The following SH3PXD2A variants were observed in gnomAD, a reference collection of about 807,000 sequenced individuals.
The protein encoded by SH3PXD2A is SH3 and PX domains 2A.
SH3PXD2A carries 32 observed loss-of-function variants against 115.2 expected under a neutral mutation model. That is an observed-to-expected ratio of 0.28 (90% confidence interval 0.21 to 0.37). The LOEUF is 0.37. Ranked by LOEUF, SH3PXD2A falls within the 10% of genes least tolerant of loss-of-function variation. The pLI is 1.00. For synonymous variants in SH3PXD2A, 610 were observed against 629.1 expected (o/e 0.97, Z 0.45); for missense variants, 1,328 against 1,498.7 (o/e 0.89, Z 1.88).
chr10:103,740,431 C>T (rs2038432042), intron 3 of SH3PXD2A, among the ~76,000 whole-genome samples: 1 of 152,200 alleles, frequency 6.6e-6, no homozygotes, highest in Non-Finnish European at 1.5e-5. Context: ...AAACCAACCA[C>T]AGCCTCCAGG....
chr10:103,785,921 G>A (rs919191983), intron 2 of SH3PXD2A, among the ~76,000 whole-genome samples: 2 of 151,886 alleles, frequency 1.3e-5, no homozygotes, highest in East Asian at 2.0e-4. Context: ...ACATAAGAGC[G>A]TAGACGGAGG....
chr10:103,794,533 G>A (rs1421378546), intron 2 of SH3PXD2A, among the ~76,000 whole-genome samples: 2 of 152,166 alleles, frequency 1.3e-5, no homozygotes, highest in East Asian at 1.9e-4. Flanking sequence ...GGAAGGAGCT[G>A]TGCAAGGAAA....
At chr10:103,645,247 A>G (rs1002074498) in intron 8 of SH3PXD2A, among the ~76,000 whole-genome samples, 2 of 152,180 alleles carry the variant, frequency 1.3e-5, no homozygotes, top group East Asian at 3.9e-4. Context: ...CCTGGGGCCA[A>G]TGCGGGATCA....
chr10:103,653,677 C>A (rs903236038), intron 8 of SH3PXD2A, among the ~76,000 whole-genome samples: 1 of 152,162 alleles, frequency 6.6e-6, no homozygotes, highest in Admixed American at 6.5e-5. Flanking sequence ...CACCTGCCTG[C>A]CTGGCAGCTG....
intron 8 of SH3PXD2A, among the ~76,000 whole-genome samples, chr10:103,647,441 C>G (rs929905737): frequency 2.0e-5 from 3 of 152,140 alleles, no homozygotes; most frequent in Non-Finnish European, 2.9e-5. Context: ...CAGGTCAGGC[C>G]CCTGAGGTCC....
rs139159382 is a variant in SH3PXD2A at position 103,768,471 on chromosome 10, G to C, written c.154-1302C>G. 5.0e-3 allele frequency among the ~76,000 whole-genome samples: 756 copies of C among 152,338 alleles called. 3 individuals are homozygous for C. The highest frequency in any genetic ancestry group is 0.017 in the Middle Eastern group (5 of 294). ...ATGTGGCTGGAGTGGAGTGAGCCAG[G>C]ATGAGAGGGACAGGCAATGAGATCT... On this transcript the variant is annotated intron_variant, in intron 2 of 14. Transcript: ENST00000369774.
chr10:103,637,306 G>A (rs1448917339), intron 8 of SH3PXD2A, among the ~76,000 whole-genome samples: 1 of 152,172 alleles, frequency 6.6e-6, no homozygotes, highest in East Asian at 1.9e-4. Flanking sequence ...AAACCCAGGA[G>A]GCTTTAGATG....
At chr10:103,711,187 G>C (rs1436574183) in intron 5 of SH3PXD2A, among the ~76,000 whole-genome samples, 2 of 152,206 alleles carry the variant, frequency 1.3e-5, no homozygotes, top group Non-Finnish European at 2.9e-5. Flanking sequence ...AGGGAAAAAT[G>C]ATTATAAAAA....
Position 103,674,258 on chromosome 10 carries a change from C to T in SH3PXD2A, c.428-5606G>A, listed in dbSNP as rs114035495. Among the ~76,000 whole-genome samples, 1,239 of 152,316 alleles carry T rather than the reference C, an allele frequency of 8.1e-3. 15 individuals are homozygous for T. Among genetic ancestry groups the T allele is most frequent in the African/African-American group, 0.028 (1,176 of 41,554 alleles). On this transcript the variant is annotated intron_variant, in intron 6 of 14. Transcript: ENST00000369774. ...TGCTAGTCCTATTATTCAGTAGTAA[C>T]AGTAATTGTCATTGTTGCCATGAAC...
intron 2 of SH3PXD2A, among the ~76,000 whole-genome samples, chr10:103,773,933 C>G (rs1407628826): frequency 6.6e-6 from 1 of 152,134 alleles, no homozygotes; most frequent in Non-Finnish European, 1.5e-5. Flanking sequence ...CAGGGTCTCA[C>G]TATGTTGCCC....
At chr10:103,820,013 C>A (rs1201021739) in intron 1 of SH3PXD2A, among the ~76,000 whole-genome samples, 2 of 152,124 alleles carry the variant, frequency 1.3e-5, no homozygotes, top group Non-Finnish European at 2.9e-5. Flanking sequence ...GGGTGCTTCA[C>A]CTGCTCATTT....
chr10:103,766,935 C>T (rs1430656198), intron 3 of SH3PXD2A, among the ~76,000 whole-genome samples, 159 bp downstream of exon 3: 1 of 152,222 alleles, frequency 6.6e-6, no homozygotes, highest in Admixed American at 6.5e-5. Context: ...GTGGACTTCA[C>T]AGTCTGGAGC....
chr10:103,674,550 G>A (rs545248196), intron 6 of SH3PXD2A, among the ~76,000 whole-genome samples: 5 of 152,284 alleles, frequency 3.3e-5, no homozygotes, highest in South Asian at 2.1e-4. Flanking sequence ...GGCTGGGCGC[G>A]GTGGCTCACG....
At chr10:103,733,832 C>T (rs190520905) in intron 4 of SH3PXD2A, among the ~76,000 whole-genome samples, 7 of 152,130 alleles carry the variant, frequency 4.6e-5, no homozygotes, top group African/African-American at 1.7e-4. Context: ...AGTGCTGTGG[C>T]GTGATCATAG....
chr10:103,766,895 G>C (rs1323801658), intron 3 of SH3PXD2A, among the ~76,000 whole-genome samples, 199 bp downstream of exon 3: 1 of 152,258 alleles, frequency 6.6e-6, no homozygotes, highest in Non-Finnish European at 1.5e-5. Context: ...AGACGGTCTT[G>C]TAATGGTGAG....
chr10:103,784,234 G>A lies in SH3PXD2A; in HGVS notation c.153+17048C>T, dbSNP rs2134244219. ...CCCTTTTCCAGGTCCCGCCCTCCCT[G>A]GACTTCAGACCCCAAGAGGTCACAG... On this transcript the variant is annotated intron_variant, in intron 2 of 14. Transcript: ENST00000369774. The surrounding 1 kb of genome is among the most constrained non-coding windows in gnomAD (Gnocchi z 4.4). Among the ~76,000 whole-genome samples, 1 of 152,320 alleles carries A rather than the reference G, an allele frequency of 6.6e-6. No individual in the cohort carries two copies. The highest frequency in any genetic ancestry group is 1.5e-5 in the Non-Finnish European group (1 of 68,030).
At chr10:103,723,925 C>T (rs1197859894) in intron 5 of SH3PXD2A, among the ~76,000 whole-genome samples, 2 of 152,190 alleles carry the variant, frequency 1.3e-5, no homozygotes, top group African/African-American at 2.4e-5. Context: ...AAGGACTGTG[C>T]TAGCCCTGAG....
At chr10:103,791,192 C>T (rs2039031816) in intron 2 of SH3PXD2A, among the ~76,000 whole-genome samples, 1 of 152,184 alleles carries the variant, frequency 6.6e-6, no homozygotes, top group Non-Finnish European at 1.5e-5. Context: ...TATGAAAATC[C>T]CACATTGACC....
At chr10:103,823,191 T>C (rs1283493917) in intron 1 of SH3PXD2A, among the ~76,000 whole-genome samples, 1 of 152,204 alleles carries the variant, frequency 6.6e-6, no homozygotes, top group Non-Finnish European at 1.5e-5. Flanking sequence ...ATAAATACTT[T>C]GCAACTGTCT....
Sources: allele counts gnomAD v4.1 joint callset (sites outside exome capture counted in the v4.1 genomes callset), GRCh38; gene constraint gnomAD v4.1.1; non-coding constraint Gnocchi (gnomAD v3.1); transcripts MANE v1.5; gene names NCBI Gene and HGNC (gene_info 2026-07-23, HGNC 2026-07-21).